Variants in CFAP276 observed in about 807,000 individuals in gnomAD.
The protein encoded by CFAP276 is cilia- and flagella-associated protein 276.
At chr1:109,113,423 AGAGAGAGAGAG>A in the CFAP276 span, among the ~76,000 whole-genome samples, 1 of 62,614 alleles carries the variant, frequency 1.6e-5, no homozygotes, top group Non-Finnish European at 3.8e-5. Context: ...AGAAAGAGAG[AGAGAGAGAGAG>A]AGAGAGAGAG....
At chr1:109,110,504 C>T in the CFAP276 span, among the ~76,000 whole-genome samples, 25,462 of 152,144 alleles carry the variant, frequency 0.17, 2,783 homozygotes, top group East Asian at 0.42. Context: ...AATGCCCTCA[C>T]CAAGCTCTGT....
the CFAP276 span, chr1:109,112,792 A>C: frequency 6.8e-7 from 1 of 1,477,546 alleles, no homozygotes; most frequent in South Asian, 1.3e-5. Flanking sequence ...TTCGGTTGCC[A>C]GGCAACTGCC....
At chr1:109,110,291 G>C in the CFAP276 span, among the ~76,000 whole-genome samples, 2 of 152,118 alleles carry the variant, frequency 1.3e-5, no homozygotes, top group African/African-American at 4.8e-5. Flanking sequence ...CTTTTCAGGA[G>C]TCAATATTTA....
At chr1:109,106,252 T>C in the CFAP276 span, among the ~76,000 whole-genome samples, 4 of 152,210 alleles carry the variant, frequency 2.6e-5, no homozygotes, top group Non-Finnish European at 2.9e-5. Context: ...GAGGTACTTA[T>C]AGGTCTTCCA....
chr1:109,106,774 C>T, the CFAP276 span: 1 of 1,275,688 alleles, frequency 7.8e-7, no homozygotes, highest in East Asian at 2.3e-5. Context: ...CTCTTTTTAC[C>T]TCTGTGGGAT....
chr1:109,105,983 G>T, the CFAP276 span: 1 of 1,475,366 alleles, frequency 6.8e-7, no homozygotes, highest in Non-Finnish European at 9.4e-7. Context: ...AATGGAAGTG[G>T]GCCGCAGTAT....
At chr1:109,113,415 A>AGAGAGAG in the CFAP276 span, among the ~76,000 whole-genome samples, 2 of 113,746 alleles carry the variant, frequency 1.8e-5, no homozygotes, top group Non-Finnish European at 3.6e-5. Flanking sequence ...AGAGAGAGAG[A>AGAGAGAG]AAGAGAGAGA....
At chr1:109,110,607 C>G in the CFAP276 span, among the ~76,000 whole-genome samples, 6 of 152,210 alleles carry the variant, frequency 3.9e-5, no homozygotes, top group Non-Finnish European at 8.8e-5. Context: ...TTAGGCAGTG[C>G]TATTCTCCAA....
chr1:109,107,137 C>A, the CFAP276 span: 31 of 1,602,830 alleles, frequency 1.9e-5, 1 homozygote, highest in East Asian at 2.2e-5. Flanking sequence ...AGAAGTCAGT[C>A]CCCCCCAAGG....
the CFAP276 span, chr1:109,112,675 G>C: frequency 1.3e-6 from 2 of 1,550,348 alleles, no homozygotes; most frequent in Non-Finnish European, 1.7e-6. Context: ...CCGGGTGGGA[G>C]GCATGGCTAA....
the CFAP276 span, chr1:109,105,959 G>C: frequency 1.6e-6 from 2 of 1,247,896 alleles, no homozygotes; most frequent in Non-Finnish European, 2.3e-6. Context: ...ACTTCATCTT[G>C]CACAAATCTA....
chr1:109,106,510 G>A, the CFAP276 span: 5 of 1,611,694 alleles, frequency 3.1e-6, no homozygotes, highest in African/African-American at 1.3e-5. Context: ...TGCCCCATCT[G>A]CTTACCCAGT....
the CFAP276 span, among the ~76,000 whole-genome samples, chr1:109,108,443 C>T: frequency 5.9e-4 from 90 of 152,202 alleles, 1 homozygote; most frequent in South Asian, 8.3e-4. Flanking sequence ...ATGCCCGGCC[C>T]CATCTAGTTT....
the CFAP276 span, chr1:109,106,551 G>A: frequency 6.2e-7 from 1 of 1,613,988 alleles, no homozygotes; most frequent in Non-Finnish European, 8.5e-7. Context: ...ATCCTTGGAT[G>A]CTGTGGATGG....
the CFAP276 span, chr1:109,108,084 C>G: frequency 7.3e-7 from 1 of 1,375,812 alleles, no homozygotes; most frequent in South Asian, 1.2e-5. Flanking sequence ...ATACGGGAAG[C>G]CTTGCTGATG....
At chr1:109,109,002 A>T in the CFAP276 span, among the ~76,000 whole-genome samples, 1 of 152,370 alleles carries the variant, frequency 6.6e-6, no homozygotes, top group East Asian at 1.9e-4. Context: ...GCATGAATGT[A>T]AAAAGCATGT....
chr1:109,107,967 G>A, the CFAP276 span: 1 of 1,603,678 alleles, frequency 6.2e-7, no homozygotes, highest in East Asian at 2.2e-5. Flanking sequence ...AGTAATTGTG[G>A]GGGTTGAGTT....
chr1:109,106,656 G>T, the CFAP276 span: 2 of 1,613,624 alleles, frequency 1.2e-6, no homozygotes, highest in Non-Finnish European at 1.7e-6. Context: ...ATTGGATCTT[G>T]GTTCTAGAAG....
the CFAP276 span, among the ~76,000 whole-genome samples, chr1:109,113,413 AGAAAGAGAGAG>A: frequency 1.8e-5 from 2 of 113,450 alleles, no homozygotes; most frequent in African/African-American, 3.6e-5. Context: ...AGAGAGAGAG[AGAAAGAGAGAG>A]AGAGAGAGAG....
Sources: gnomAD v4.1 joint callset for allele counts (sites outside exome capture counted in the v4.1 genomes callset) on GRCh38, gnomAD v4.1.1 for gene constraint, MANE v1.5 for transcripts, NCBI Gene and HGNC (gene_info 2026-07-23, HGNC 2026-07-21) for gene names.